Variants in ADCY9 observed in about 807,000 individuals in gnomAD.
The protein encoded by ADCY9 is adenylate cyclase type 9.
ADCY9 carries 50 observed loss-of-function variants against 101.5 expected under a neutral mutation model. The ratio of observed to expected loss-of-function variants is 0.49; its 90% CI spans 0.39 to 0.62. The LOEUF (loss-of-function observed/expected upper bound fraction) is 0.62, where lower values mean the gene tolerates loss of function less well. Ranked by LOEUF, ADCY9 falls within the 20% of genes least tolerant of loss-of-function variation. The probability of loss-of-function intolerance (pLI) is 0.00; values close to 1 mark genes in which losing one functional copy is unlikely to be tolerated. For missense variants in ADCY9, 1,662 were observed against 1,800.4 expected (o/e 0.92, Z 1.39); for synonymous variants, 905 against 769.3 (o/e 1.18, Z -2.92).
chr16:4,096,215 C>T (rs940783415), intron 2 of ADCY9, among the ~76,000 whole-genome samples: 3 of 152,024 alleles, frequency 2.0e-5, no homozygotes, highest in African/African-American at 4.8e-5. Context: ...AATGAGAGTT[C>T]GTAGTTGAAA....
rs575086946 is a variant in ADCY9 at position 4,087,985 on chromosome 16, G to A, written c.1693+25765C>T. The stretch of plus-strand genomic sequence containing the variant: ...GAGTCTCACTCTGTCACCCAGGCTG[G>A]TGTGCAGCAGTGTGAGCTCAAGCAA... On this transcript the variant is annotated intron_variant, in intron 2 of 10. Transcript: ENST00000294016. Among the ~76,000 whole-genome samples, 5 of 150,584 alleles carry A rather than the reference G, an allele frequency of 3.3e-5. No homozygotes were observed. The South Asian group carries it at 1.1e-3, about 32-fold the overall frequency.
chr16:3,966,763 C>T lies in ADCY9; in HGVS notation c.3074G>A (p.Arg1025Gln), dbSNP rs537762832. ...CCTCAGCAGCCAGTCTGCCTGGTCC[C>T]GCATGCTCTGGATCTTGGTGCGGTG... is the stretch of plus-strand genomic sequence containing the variant. ...DLHRTKIQSM[R>Q]DQADWLLRNI... is the part of the protein sequence containing the mutation. The change falls in exon 11 of 11, where the codon CGG becomes CAG. Residue 1025 changes from arginine to glutamine, a missense_variant. Coordinates refer to ENST00000294016, the MANE Select transcript of ADCY9 (RefSeq NM_001116.4). The T allele has an allele frequency of 3.7e-6, 6 of 1,614,210 alleles. No homozygotes were observed. The highest frequency in any genetic ancestry group is 2.2e-5 in the South Asian group (2 of 91,084).
At chr16:3,985,645 C>G (rs1206838614) in intron 6 of ADCY9, among the ~76,000 whole-genome samples, 1 of 152,132 alleles carries the variant, frequency 6.6e-6, no homozygotes, top group Non-Finnish European at 1.5e-5. Context: ...TTCTGAGAGC[C>G]CACACCTCCC....
intron 3 of ADCY9, among the ~76,000 whole-genome samples, chr16:4,005,630 C>T (rs2056361937): frequency 6.6e-6 from 1 of 152,080 alleles, no homozygotes; most frequent in Non-Finnish European, 1.5e-5. Context: ...TTGCTCATTC[C>T]GACCAAAACA....
intron 2 of ADCY9, among the ~76,000 whole-genome samples, chr16:4,026,879 C>G (rs2056519256): frequency 6.6e-6 from 1 of 152,270 alleles, no homozygotes; most frequent in South Asian, 2.1e-4. Context: ...CTTTTTAGAA[C>G]TGAATCAAAA....
At chr16:4,088,935 C>A (rs2056956295) in intron 2 of ADCY9, among the ~76,000 whole-genome samples, 1 of 151,946 alleles carries the variant, frequency 6.6e-6, no homozygotes, top group African/African-American at 2.4e-5. Flanking sequence ...TTTCATCACC[C>A]CGAAAGGAAA....
At chr16:4,071,332 CAAAAAAAAAAAAAAAAAAAAAAA>C (rs530420293) in intron 2 of ADCY9, among the ~76,000 whole-genome samples, 2 of 70,524 alleles carry the variant, frequency 2.8e-5, no homozygotes, top group South Asian at 5.2e-4. Flanking sequence ...ACTCAGTCTC[CAAAAAAAAAAAAAAAAAAAAAAA>C]AAAAAAAAAT....
chr16:4,105,176 A>C (rs2057068429), intron 2 of ADCY9, among the ~76,000 whole-genome samples: 1 of 152,196 alleles, frequency 6.6e-6, no homozygotes. Flanking sequence ...TCATTTTACA[A>C]AATATAGTTA....
At chr16:4,039,436 T>C (rs971123131) in intron 2 of ADCY9, among the ~76,000 whole-genome samples, 2 of 152,004 alleles carry the variant, frequency 1.3e-5, no homozygotes, top group African/African-American at 4.8e-5. Flanking sequence ...CCCAGCACTT[T>C]GGGAGGCTGA....
chr16:4,044,727 C>G (rs1255192529), intron 2 of ADCY9, among the ~76,000 whole-genome samples: 1 of 152,162 alleles, frequency 6.6e-6, no homozygotes, highest in East Asian at 1.9e-4. Context: ...CACTTCTGAA[C>G]CATTATACAT....
intron 2 of ADCY9, among the ~76,000 whole-genome samples, chr16:4,036,332 T>C (rs2056589263): frequency 6.6e-6 from 1 of 151,998 alleles, no homozygotes; most frequent in Non-Finnish European, 1.5e-5. Flanking sequence ...CAACACCCCC[T>C]TTTTATTTAT....
intron 2 of ADCY9, among the ~76,000 whole-genome samples, chr16:4,108,744 C>T (rs1267602881): frequency 7.3e-5 from 10 of 137,576 alleles, no homozygotes; most frequent in Non-Finnish European, 1.1e-4. Flanking sequence ...TCATTCTTGT[C>T]GCCCAGGCTG....
chr16:4,054,104 C>T (rs2056720330), intron 2 of ADCY9: 1 of 152,098 alleles, frequency 6.6e-6, no homozygotes, highest in South Asian at 2.1e-4. Flanking sequence ...TTATAGATGG[C>T]TCACGAAAGC....
At chr16:4,039,768 G>A (rs141765190) in intron 2 of ADCY9, among the ~76,000 whole-genome samples, 1 of 152,064 alleles carries the variant, frequency 6.6e-6, no homozygotes, top group Non-Finnish European at 1.5e-5. Flanking sequence ...GTCAGGTGCA[G>A]GGACTCACGC....
At chr16:4,006,494 C>T (rs1418557329) in intron 3 of ADCY9, among the ~76,000 whole-genome samples, 2 of 152,142 alleles carry the variant, frequency 1.3e-5, no homozygotes, top group South Asian at 2.1e-4. Context: ...ATACCAATAG[C>T]GGCTTTCAAA....
At chr16:3,990,936 A>T (rs187496775) in intron 5 of ADCY9, among the ~76,000 whole-genome samples, 1 of 152,272 alleles carries the variant, frequency 6.6e-6, no homozygotes, top group Admixed American at 6.5e-5. Context: ...AGTAGCTGGG[A>T]TGACAGGCAC....
chr16:3,954,900 C>T (rs192542137), intron 5 of ADCY9, among the ~76,000 whole-genome samples: 6 of 152,248 alleles, frequency 3.9e-5, no homozygotes, highest in South Asian at 4.1e-4. Flanking sequence ...GAGGGGGACA[C>T]GCCTACATGT....
intron 2 of ADCY9, among the ~76,000 whole-genome samples, chr16:4,077,352 G>A (rs1355794798): frequency 6.6e-6 from 1 of 152,128 alleles, no homozygotes; most frequent in East Asian, 1.9e-4. Context: ...TGGTCTTTCT[G>A]GCTGTAGAGA....
intron 2 of ADCY9, among the ~76,000 whole-genome samples, chr16:4,036,132 T>G (rs2056587970): frequency 1.3e-5 from 2 of 150,872 alleles, no homozygotes; most frequent in Admixed American, 1.3e-4. Context: ...AAGCTCCTTG[T>G]ATCTTCCTAT....
Sources: gnomAD v4.1 joint callset for allele counts (sites outside exome capture counted in the v4.1 genomes callset) on GRCh38, gnomAD v4.1.1 for gene constraint, MANE v1.5 for transcripts, NCBI Gene and HGNC (gene_info 2026-07-23, HGNC 2026-07-21) for gene names.